ATP13A1: variants seen among roughly 807,000 people sequenced by gnomAD.
ATP13A1 encodes the protein ATPase 13A1.
A neutral mutation model predicts 134.8 loss-of-function variants in ATP13A1; 55 were observed. That is an observed-to-expected ratio of 0.41 (90% CI 0.33 to 0.51). The LOEUF is 0.51. Among genes scored for constraint, ATP13A1 ranks in the 20% least tolerant of loss-of-function variants. The pLI is 0.29. For missense variants in ATP13A1, 1,389 were observed against 1,652.8 expected (o/e 0.84, Z 2.77); for synonymous variants, 775 against 725.1 (o/e 1.07, Z -1.10).
chr19:19,647,099 C>T lies in ATP13A1; in HGVS notation c.3105+30G>A, dbSNP rs754675038. The T allele has an allele frequency of 6.3e-7, 1 of 1,592,660 alleles. No individual in the cohort carries two copies. Among genetic ancestry groups the T allele is most frequent in the South Asian group, 1.1e-5 (1 of 88,124 alleles). On this transcript the variant is annotated intron_variant, in intron 22 of 25. Coordinates refer to ENST00000357324, the MANE Select transcript of ATP13A1 (RefSeq NM_020410.3). The surrounding 1 kb of genome is among the most constrained non-coding windows in gnomAD (Gnocchi z 4.8). ...GCCTGGCCCTGGCAGGCCCATGCAT[C>T]CCTGGCCTTCCAGCACCTCTGGGGC...
Position 19,649,888 on chromosome 19 carries a change from G to C in ATP13A1, c.2388C>G (p.Ala796=). 1.2e-6 allele frequency: 2 copies of C among 1,601,320 alleles called. No individual in the cohort carries two copies. Among genetic ancestry groups the C allele is most frequent in the South Asian group, 1.1e-5 (1 of 91,012 alleles). The change falls in exon 18 of 26, where the codon GCC becomes GCG. Residue 796 remains alanine (A), a synonymous_variant. Transcript: ENST00000357324. ...GGGCCAGTGCCTTTGGGGAGCCCCG[G>C]GCCAGGGGCAGCACGATGCTGCCGT... is the stretch of plus-strand genomic sequence containing the variant. The part of the protein sequence containing the change: ...SIDGSIVLPL[A]RGSPKALALE...
chr19:19,653,456 T>G lies in ATP13A1; in HGVS notation c.2100+328A>C, dbSNP rs1599432036. The G allele has an allele frequency of 2.8e-6, 1 of 360,918 alleles. No individual in the cohort carries two copies. The highest frequency in any genetic ancestry group is 4.7e-5 in the South Asian group (1 of 21,242). The allele number at this position is 360,918 out of a possible 1,614,324, so 22.4% of individuals were successfully genotyped here. Reference sequence around the variant, plus strand: ...ATGTGCCGGTGGTGGAGGCGGAGGGTGGGCTTTGTGGAGGATGGATGGGTG... The same window carrying G: ...ATGTGCCGGTGGTGGAGGCGGAGGGGGGGCTTTGTGGAGGATGGATGGGTG... On this transcript the variant is annotated intron_variant, in intron 15 of 25. Transcript: ENST00000357324. This position sits in a 1 kb window ranked among gnomAD's most constrained non-coding sequence, Gnocchi z 4.2.
rs1473498901 is a variant in ATP13A1 at position 19,653,398 on chromosome 19, A to C, written c.2100+386T>G. 6 of 275,618 alleles carry C rather than the reference A, an allele frequency of 2.2e-5. No individual in the cohort carries two copies. The highest frequency in any genetic ancestry group is 7.0e-6 in the Non-Finnish European group (1 of 143,478). 17.1% of individuals were successfully genotyped at this position (275,618 alleles called of 1,614,324 possible). A position where few individuals can be genotyped will look rare whatever the true frequency, so the allele number is the denominator to read the frequency against. ...CCGCAGCTGTAGGGTGCAAGCAGAAAGAACGAGAGCCCAGGAAGAAGCCAA... is the reference window on the plus strand; with the variant it reads ...CCGCAGCTGTAGGGTGCAAGCAGAACGAACGAGAGCCCAGGAAGAAGCCAA... On this transcript the variant is annotated intron_variant, in intron 15 of 25. Coordinates refer to ENST00000357324, the MANE Select transcript of ATP13A1 (RefSeq NM_020410.3). This position sits in a 1 kb window ranked among gnomAD's most constrained non-coding sequence, Gnocchi z 4.2.
At position 19,645,400 on chromosome 19, in the gene ATP13A1, A is replaced by G. The variant is rs1422322494; in HGVS notation, c.*22T>C. 1.9e-6 allele frequency: 3 copies of G among 1,577,276 alleles called. No individual in the cohort carries two copies. In the African/African-American group the frequency reaches 4.1e-5, roughly 21 times the overall value. ...CCGCCCAGCGGCAGCCAGGGTGGGC[A>G]GTGGGTACCAGCACTGCCATCTCAG... On this transcript the variant is annotated 3_prime_UTR_variant, in exon 26 of 26. Coordinates refer to ENST00000357324, the MANE Select transcript of ATP13A1 (RefSeq NM_020410.3). The surrounding 1 kb of genome is among the most constrained non-coding windows in gnomAD (Gnocchi z 4.1).
In ATP13A1 at chr19:19,654,646, G is replaced by A. The variant is rs781001119; in HGVS notation, c.1710C>T (p.Ala570=). Residue 570 remains alanine, a synonymous_variant, in exon 13 of 26, where the codon GCC becomes GCT. Transcript: ENST00000357324. ...VSSIPVETHR[A]LASCHSLMQL... ...GCATGAGCGAGTGGCACGAGGCCAG[G>A]GCCCGGTGTGTTTCTACAGGGATGC... 3.1e-6 allele frequency: 5 copies of A among 1,613,652 alleles called. No homozygotes were observed. The highest frequency in any genetic ancestry group is 4.2e-6 in the Non-Finnish European group (5 of 1,179,870).
chr19:19,645,335 G>A lies in ATP13A1; in HGVS notation c.*87C>T, dbSNP rs1029108299. 4 of 1,403,066 alleles carry A rather than the reference G, an allele frequency of 2.9e-6. No homozygotes were observed. Among genetic ancestry groups the A allele is most frequent in the South Asian group, 1.3e-5 (1 of 78,200 alleles). The allele number at this position is 1,403,066 out of a possible 1,614,324, so 86.9% of individuals were successfully genotyped here. A position where few individuals can be genotyped will look rare whatever the true frequency, so the allele number is the denominator to read the frequency against. On this transcript the variant is annotated 3_prime_UTR_variant, in exon 26 of 26. Coordinates refer to ENST00000357324, the MANE Select transcript of ATP13A1 (RefSeq NM_020410.3). This position sits in a 1 kb window ranked among gnomAD's most constrained non-coding sequence, Gnocchi z 4.1. The stretch of plus-strand genomic sequence containing the variant: ...AGACTGTACAGCCTTGCTGTGGGGG[G>A]TTGGGGGCAGGGTTCCCTCCCGGGG...
rs1022725161 is a variant in ATP13A1, at chr19:19,659,639, T to C, written c.639A>G (p.Ser213=). The change falls in exon 3 of 26, where the codon TCA becomes TCG. Residue 213 remains serine (S), a synonymous_variant. Transcript: ENST00000357324. ...ATTTCTTCTCAGCTGCTCGGATCTC[T>C]GAGTCTTCCTGGAAGCCTCTGTTGC... ...YQSNRGFQED[S]EIRAAEKKFG... 56 of 1,613,536 alleles carry C rather than the reference T, an allele frequency of 3.5e-5. No homozygotes were observed. The highest frequency in any genetic ancestry group is 4.3e-5 in the Non-Finnish European group (51 of 1,179,596).
chr19:19,647,838 C>A lies in ATP13A1; in HGVS notation c.2633-79G>T. 6.8e-7 allele frequency: 1 copy of A among 1,478,042 alleles called. No homozygotes were observed. Among genetic ancestry groups the A allele is most frequent in the Non-Finnish European group, 9.0e-7 (1 of 1,111,476 alleles). 91.6% of individuals were successfully genotyped at this position (1,478,042 alleles called of 1,614,324 possible). The stretch of plus-strand genomic sequence containing the variant: ...ATTGCTGGCTTCAGAGCCACTGGTC[C>A]TGAAGTCCCCCAGCTGGCTCCCGTG... On this transcript the variant is annotated intron_variant, in intron 19 of 25. Coordinates refer to ENST00000357324, the MANE Select transcript of ATP13A1 (RefSeq NM_020410.3). This position sits in a 1 kb window ranked among gnomAD's most constrained non-coding sequence, Gnocchi z 4.8.
In ATP13A1 at chr19:19,659,749, T is replaced by A; in HGVS notation, c.529A>T (p.Ile177Phe). The change falls in exon 3 of 26, where the codon ATC (isoleucine) becomes TTC (phenylalanine). Residue 177 changes from isoleucine to phenylalanine, a missense_variant. Coordinates refer to ENST00000357324, the MANE Select transcript of ATP13A1 (RefSeq NM_020410.3). ...LEVLSFEFQK[I>F]KYSYDALEKK... ...TCCAGGGCATCGTAGGAATACTTGA[T>A]CTTCTGGAATTCGAAGGACAGCACC... The A allele has an allele frequency of 6.2e-7, 1 of 1,613,910 alleles. No homozygotes were observed.
In ATP13A1 at chr19:19,663,621, G is replaced by T; in HGVS notation, c.46C>A (p.Arg16=). The change falls in exon 1 of 26, where the codon CGG becomes AGG. Residue 16 remains arginine, a synonymous_variant. Transcript: ENST00000357324. ...AVGNAVPCGA[R]PCGVRPDGQP... ...CCGTCAGGCCGGACCCCGCAAGGCC[G>T]GGCCCCGCAGGGCACCGCGTTGCCC... The T allele has an allele frequency of 7.4e-7, 1 of 1,349,862 alleles. No homozygotes were observed. The highest frequency in any genetic ancestry group is 9.5e-7 in the Non-Finnish European group (1 of 1,056,546). 83.6% of individuals were successfully genotyped at this position (1,349,862 alleles called of 1,614,324 possible).
chr19:19,647,356 G>A lies in ATP13A1; in HGVS notation c.2909-31C>T, dbSNP rs1219344140. The A allele has an allele frequency of 4.4e-6, 7 of 1,608,254 alleles. No individual in the cohort carries two copies. The Admixed American group carries it at 6.7e-5, about 15-fold the overall frequency. ...GGGTGGTGGGGAGGCAGGTGTGGGT[G>A]TGGGTAGGGGTGCCAAGGGGGGAAT... On this transcript the variant is annotated intron_variant, in intron 21 of 25. Transcript: ENST00000357324. This position sits in a 1 kb window ranked among gnomAD's most constrained non-coding sequence, Gnocchi z 4.8.
chr19:19,651,995 G>A (rs1431591532), intron 16 of ATP13A1, among the ~76,000 whole-genome samples, 198 bp from the exon 17 acceptor site: 8 of 151,950 alleles, frequency 5.3e-5, no homozygotes, highest in Non-Finnish European at 7.4e-5. Flanking sequence ...GTGTATGTGC[G>A]TCCTTCTGAA....
intron 1 of ATP13A1, chr19:19,662,056 G>C (rs2062098350): frequency 2.5e-6 from 4 of 1,570,952 alleles, no homozygotes; most frequent in African/African-American, 2.7e-5. Context: ...TCTGAGATCT[G>C]AATCAAACCC....
intron 16 of ATP13A1, among the ~76,000 whole-genome samples, chr19:19,652,168 G>C (rs2062028472): frequency 6.6e-6 from 1 of 152,070 alleles, no homozygotes; most frequent in South Asian, 2.1e-4. Context: ...ATGTGACCCA[G>C]AGCCATCATC....
chr19:19,662,411 CTCT>C (rs1441148066), intron 1 of ATP13A1: 4 of 974,394 alleles, frequency 4.1e-6, no homozygotes, highest in African/African-American at 1.8e-5. Flanking sequence ...TTCCCTTTTC[CTCT>C]TCTTGAGGCA....
chr19:19,654,257 C>T (rs1439176466), intron 13 of ATP13A1, 113 bp from the exon 14 acceptor site: 30 of 1,188,262 alleles, frequency 2.5e-5, no homozygotes, highest in Admixed American at 7.1e-5. Flanking sequence ...AGGGCCTGAT[C>T]GGGGCTCTGG....
chr19:19,647,374 G>C lies in ATP13A1; in HGVS notation c.2908+40C>G, dbSNP rs780626404. 1 of 1,607,084 alleles carries C rather than the reference G, an allele frequency of 6.2e-7. No individual in the cohort carries two copies. The highest frequency in any genetic ancestry group is 1.3e-5 in the African/African-American group (1 of 74,848). ...TGTGGGTGTGGGTAGGGGTGCCAAG[G>C]GGGGAATGAAGGGAGGGGGAGCGGG... On this transcript the variant is annotated intron_variant, in intron 21 of 25. Coordinates refer to ENST00000357324, the MANE Select transcript of ATP13A1 (RefSeq NM_020410.3). This position sits in a 1 kb window ranked among gnomAD's most constrained non-coding sequence, Gnocchi z 4.8.
chr19:19,659,783 G>A lies in ATP13A1; in HGVS notation c.495C>T (p.Asp165=), dbSNP rs754563178. The change falls in exon 3 of 26, where the codon GAC becomes GAT. Residue 165 remains aspartate (D), a synonymous_variant. Coordinates refer to ENST00000357324, the MANE Select transcript of ATP13A1 (RefSeq NM_020410.3). ...ATTCGAAGGACAGCACCTCAAGCCC[G>A]TCTTCGCCCTGCGGTAGAAGGTGTG... ...LVALHRNEGE[D]GLEVLSFEFQ... is the part of the protein sequence containing the mutation. 3.0e-5 allele frequency: 48 copies of A among 1,613,524 alleles called. 1 individual carries two copies. The Admixed American group carries it at 3.2e-4, about 11-fold the overall frequency.
chr19:19,651,615 T>G, intron 17 of ATP13A1, 74 bp downstream of exon 17: 2 of 1,185,780 alleles, frequency 1.7e-6, no homozygotes, highest in Non-Finnish European at 2.4e-6. Context: ...GGTACACAGG[T>G]GGGCTGTTGC....
Sources: gnomAD v4.1 joint callset for allele counts (sites outside exome capture counted in the v4.1 genomes callset) on GRCh38, gnomAD v4.1.1 for gene constraint, Gnocchi (gnomAD v3.1) non-coding constraint, MANE v1.5 for transcripts, NCBI Gene and HGNC (gene_info 2026-07-23, HGNC 2026-07-21) for gene names.